Variants in ZCCHC14 observed in about 807,000 individuals in gnomAD.
The protein encoded by ZCCHC14 is zinc finger CCHC domain-containing protein 14.
ZCCHC14 carries 16 observed loss-of-function variants against 85.0 expected under a neutral mutation model. That is an observed-to-expected ratio of 0.19 (90% confidence interval 0.13 to 0.29). The LOEUF (loss-of-function observed/expected upper bound fraction) is 0.29. Among genes scored for constraint, ZCCHC14 ranks in the 10% least tolerant of loss-of-function variants. The probability of loss-of-function intolerance (pLI) is 1.00; values close to 1 mark genes in which losing one functional copy is unlikely to be tolerated. For missense variants in ZCCHC14, 1,303 were observed against 1,443.5 expected (o/e 0.90, Z 1.58); for synonymous variants, 775 against 630.7 (o/e 1.23, Z -3.43).
chr16:87,484,732 C>T (rs1290982784), intron 1 of ZCCHC14, among the ~76,000 whole-genome samples: 3 of 152,066 alleles, frequency 2.0e-5, no homozygotes, highest in South Asian at 2.1e-4. Flanking sequence ...CTGGTAGAGA[C>T]GAGCGGTGTT....
intron 1 of ZCCHC14, among the ~76,000 whole-genome samples, chr16:87,469,246 C>T (rs1911670038): frequency 6.6e-6 from 1 of 152,168 alleles, no homozygotes; most frequent in Non-Finnish European, 1.5e-5. Flanking sequence ...TCCCAAGTAT[C>T]CATTATGCAG....
At chr16:87,434,068 T>C (rs1271067260) in intron 2 of ZCCHC14, among the ~76,000 whole-genome samples, 1 of 152,128 alleles carries the variant, frequency 6.6e-6, no homozygotes, top group East Asian at 1.9e-4. Context: ...CTGCAGTGAA[T>C]GAAGCTGCAC....
intron 1 of ZCCHC14, among the ~76,000 whole-genome samples, chr16:87,475,081 A>G (rs73242727): frequency 0.072 from 10,918 of 152,104 alleles, 1,292 homozygotes; most frequent in African/African-American, 0.25. Flanking sequence ...CAAAAATATA[A>G]CCTGTACAAA....
At chr16:87,481,637 C>G (rs1476273273) in intron 1 of ZCCHC14, among the ~76,000 whole-genome samples, 18 of 147,686 alleles carry the variant, frequency 1.2e-4, no homozygotes, top group Admixed American at 5.5e-4. Flanking sequence ...GAACACTGAA[C>G]CGGGGCTGTA....
At position 87,408,877 on chromosome 16, in the gene ZCCHC14, C is replaced by G. The variant is rs1413002030; in HGVS notation, c.*1403G>C. On this transcript the variant is annotated 3_prime_UTR_variant, in exon 13 of 13. Transcript: ENST00000671377. ...AAAATAAATATCCAACTGCAAAATCCCAACTGCAAGATTTTACCAATCAGT... is the reference window on the plus strand; with the variant it reads ...AAAATAAATATCCAACTGCAAAATCGCAACTGCAAGATTTTACCAATCAGT... 1 of 152,492 alleles carries G rather than the reference C, an allele frequency of 6.6e-6. No homozygotes were observed. Among genetic ancestry groups the G allele is most frequent in the Non-Finnish European group, 1.5e-5 (1 of 68,024 alleles). The allele number at this position is 152,492 out of a possible 1,614,324, so 9.4% of individuals were successfully genotyped here. A position where few individuals can be genotyped will look rare whatever the true frequency, so the allele number is the denominator to read the frequency against.
At chr16:87,444,497 G>A (rs1210148585) in intron 2 of ZCCHC14, among the ~76,000 whole-genome samples, 1 of 152,200 alleles carries the variant, frequency 6.6e-6, no homozygotes, top group Non-Finnish European at 1.5e-5. Context: ...TATCTAGTTA[G>A]AAAGTAATTT....
chr16:87,460,576 G>A (rs8055171), intron 1 of ZCCHC14, among the ~76,000 whole-genome samples: 13,366 of 152,122 alleles, frequency 0.088, 1,925 homozygotes, highest in African/African-American at 0.3. Context: ...TATAGTCCCA[G>A]CTACTCGGGA....
At chr16:87,450,299 C>T (rs1473758811) in intron 2 of ZCCHC14, among the ~76,000 whole-genome samples, 1 of 152,146 alleles carries the variant, frequency 6.6e-6, no homozygotes, top group Non-Finnish European at 1.5e-5. Flanking sequence ...CTTTCATTTG[C>T]TTGTCTATGT....
intron 2 of ZCCHC14, among the ~76,000 whole-genome samples, chr16:87,453,230 G>A (rs1360471966): frequency 6.6e-6 from 1 of 152,222 alleles, no homozygotes; most frequent in Non-Finnish European, 1.5e-5. Context: ...GGCATGACCT[G>A]GGCCCGCTGG....
At chr16:87,410,721 C>G (rs1264885967) in intron 12 of ZCCHC14, among the ~76,000 whole-genome samples, 1 of 152,220 alleles carries the variant, frequency 6.6e-6, no homozygotes, top group African/African-American at 2.4e-5. Flanking sequence ...CACAGGCCCA[C>G]CCGGGCCCGC....
chr16:87,440,906 C>G (rs889944145), intron 2 of ZCCHC14, among the ~76,000 whole-genome samples: 1 of 151,862 alleles, frequency 6.6e-6, no homozygotes, highest in Non-Finnish European at 1.5e-5. Flanking sequence ...TGCACCTTCA[C>G]GCCCAGCCCT....
At chr16:87,428,740 C>T (rs1412859624) in intron 3 of ZCCHC14, among the ~76,000 whole-genome samples, 2 of 152,224 alleles carry the variant, frequency 1.3e-5, no homozygotes, top group African/African-American at 4.8e-5. Flanking sequence ...ACAGATGAGT[C>T]TGCATTTTCT....
chr16:87,444,038 G>GAAACAAA (rs1910313722), intron 2 of ZCCHC14, among the ~76,000 whole-genome samples: 1 of 77,112 alleles, frequency 1.3e-5, no homozygotes, highest in Non-Finnish European at 2.3e-5. Flanking sequence ...CTCTATCACA[G>GAAACAAA]AAAAAAAAAA....
At chr16:87,481,352 A>G (rs368958140) in intron 1 of ZCCHC14, among the ~76,000 whole-genome samples, 6 of 152,150 alleles carry the variant, frequency 3.9e-5, no homozygotes, top group African/African-American at 1.4e-4. Flanking sequence ...ATTCTAACAC[A>G]GATTTCTAAT....
In ZCCHC14 at chr16:87,492,819, G is replaced by A. The variant is rs1275498913; in HGVS notation, c.-581C>T. Among the ~76,000 whole-genome samples, 3 of 147,692 alleles carry A rather than the reference G, an allele frequency of 2.0e-5. No homozygotes were observed. Among genetic ancestry groups the A allele is most frequent in the Admixed American group, 2.0e-4 (3 of 14,900 alleles). On this transcript the variant is annotated 5_prime_UTR_variant, in exon 1 of 13. Transcript: ENST00000671377. The surrounding 1 kb of genome is among the most constrained non-coding windows in gnomAD (Gnocchi z 6.7). ...GGCCGCGAAACGGACGCTGGAGGGG[G>A]AGGGACGCGCGGCGGGAGGCGCGGA... is the stretch of plus-strand genomic sequence containing the variant.
chr16:87,430,440 G>C (rs552363603), intron 3 of ZCCHC14, among the ~76,000 whole-genome samples: 1 of 152,098 alleles, frequency 6.6e-6, no homozygotes, highest in Non-Finnish European at 1.5e-5. Context: ...CTTGAAATCA[G>C]GTTGTGCAAG....
At chr16:87,448,067 A>C (rs1020461990) in intron 2 of ZCCHC14, among the ~76,000 whole-genome samples, 2 of 152,196 alleles carry the variant, frequency 1.3e-5, no homozygotes, top group Non-Finnish European at 2.9e-5. Flanking sequence ...ATATATGTGT[A>C]ATCTACTGCT....
chr16:87,412,900 G>C lies in ZCCHC14; in HGVS notation c.1821C>G (p.Ala607=). 6.2e-7 allele frequency: 1 copy of C among 1,601,600 alleles called. No homozygotes were observed. The highest frequency in any genetic ancestry group is 8.5e-7 in the Non-Finnish European group (1 of 1,173,086). The stretch of plus-strand genomic sequence containing the variant: ...CAGGGAGAACCTGGGCCGTGGGTCT[G>C]GCGGAACTGGAAGTGAAGTGATTCA... The part of the protein sequence containing the change: ...MLLNHFTSSS[A]RPTAQVLPVQ... Residue 607 remains alanine, a synonymous_variant, in exon 12 of 13, where the codon GCC becomes GCG. Coordinates refer to ENST00000671377, the MANE Select transcript of ZCCHC14 (RefSeq NM_015144.3).
intron 4 of ZCCHC14, among the ~76,000 whole-genome samples, chr16:87,422,054 T>A (rs529767893): frequency 1.3e-5 from 2 of 152,322 alleles, no homozygotes; most frequent in Non-Finnish European, 2.9e-5. Context: ...CTATGATGGA[T>A]GTACTAAAGG....
Sources: gnomAD v4.1 joint callset for allele counts (sites outside exome capture counted in the v4.1 genomes callset) on GRCh38, gnomAD v4.1.1 for gene constraint, Gnocchi (gnomAD v3.1) non-coding constraint, MANE v1.5 for transcripts, NCBI Gene and HGNC (gene_info 2026-07-23, HGNC 2026-07-21) for gene names.